Variants in GPM6A observed in about 807,000 individuals in gnomAD.
GPM6A encodes the protein neuronal membrane glycoprotein M6-a.
In GPM6A, 7 loss-of-function variants were observed where a neutral mutation model predicts 32.1. The ratio of observed to expected loss-of-function variants is 0.22; its 90% CI spans 0.12 to 0.41. The LOEUF (loss-of-function observed/expected upper bound fraction) is 0.41, where lower values mean the gene tolerates loss of function less well. Among genes scored for constraint, GPM6A ranks in the 10% least tolerant of loss-of-function variants. The pLI, the probability that GPM6A is intolerant of heterozygous loss-of-function variation, is 1.00. For synonymous variants in GPM6A, 130 were observed against 123.4 expected (o/e 1.05, Z -0.35); for missense variants, 235 against 347.2 (o/e 0.68, Z 2.57).
chr4:175,763,485 G>A (rs1732835900), intron 1 of GPM6A, among the ~76,000 whole-genome samples: 1 of 152,058 alleles, frequency 6.6e-6, no homozygotes, highest in Non-Finnish European at 1.5e-5. Flanking sequence ...TTTTAAATAA[G>A]CATAAACCCA....
chr4:175,773,641 A>T (rs1249428646), intron 1 of GPM6A, among the ~76,000 whole-genome samples: 1 of 152,178 alleles, frequency 6.6e-6, no homozygotes, highest in South Asian at 2.1e-4. Context: ...TGTATTCTTT[A>T]GTAAATAACA....
Position 175,906,798 on chromosome 4 carries a change from A to G in GPM6A, c.-22-94549T>C, listed in dbSNP as rs547274205. 4 of 152,252 alleles carry G rather than the reference A, an allele frequency of 2.6e-5. No individual in the cohort carries two copies. In the East Asian group the frequency reaches 5.8e-4, roughly 22 times the overall value. The allele number at this position is 152,252 out of a possible 1,614,324, so 9.4% of individuals were successfully genotyped here. On this transcript the variant is annotated intron_variant, in intron 1 of 7. Transcript: ENST00000280187. ...TGGATGGAATTCTACCCTGATGAGA[A>G]CCCAAATTAAGTTGGGAAATCTCAG... is the stretch of plus-strand genomic sequence containing the variant.
chr4:175,742,423 T>C (rs1731924514), intron 1 of GPM6A, among the ~76,000 whole-genome samples: 1 of 152,164 alleles, frequency 6.6e-6, no homozygotes, highest in African/African-American at 2.4e-5. Flanking sequence ...CAATAATACA[T>C]GGGCTTATCA....
At chr4:175,832,606 T>C (rs1441235296) in intron 1 of GPM6A, among the ~76,000 whole-genome samples, 1 of 152,170 alleles carries the variant, frequency 6.6e-6, no homozygotes, top group Admixed American at 6.5e-5. Context: ...GAAGGAAGCA[T>C]TAACTTGGGT....
chr4:175,656,900 A>G (rs1262020405), intron 3 of GPM6A, among the ~76,000 whole-genome samples: 1 of 152,174 alleles, frequency 6.6e-6, no homozygotes, highest in African/African-American at 2.4e-5. Context: ...TATGCCACAT[A>G]TTGAATGGAA....
intron 1 of GPM6A, among the ~76,000 whole-genome samples, chr4:175,864,552 T>A (rs114531221): frequency 6.9e-4 from 105 of 152,268 alleles, no homozygotes; most frequent in African/African-American, 2.4e-3. Context: ...TGGATACAAC[T>A]TTTTTAATAA....
chr4:175,747,289 A>G (rs1042746225), intron 1 of GPM6A, among the ~76,000 whole-genome samples: 3 of 151,458 alleles, frequency 2.0e-5, no homozygotes, highest in Non-Finnish European at 2.9e-5. Flanking sequence ...AAAAAAAAAA[A>G]AAGAAGGAAC....
chr4:175,733,796 C>T (rs1485069827), intron 1 of GPM6A, among the ~76,000 whole-genome samples: 4 of 152,102 alleles, frequency 2.6e-5, no homozygotes, highest in Non-Finnish European at 5.9e-5. Context: ...GAGTAGTGGG[C>T]CCACAGCATA....
chr4:175,976,483 A>C (rs898833754), intron 1 of GPM6A, among the ~76,000 whole-genome samples: 5 of 152,008 alleles, frequency 3.3e-5, no homozygotes, highest in African/African-American at 1.2e-4. Flanking sequence ...TGTCTTTCAA[A>C]CCCCTTTTTT....
intron 1 of GPM6A, among the ~76,000 whole-genome samples, chr4:175,958,354 C>A (rs1382947641): frequency 2.0e-5 from 3 of 152,170 alleles, no homozygotes; most frequent in African/African-American, 7.2e-5. Flanking sequence ...GTTTAGGAAA[C>A]CACTGTTGAT....
chr4:175,891,435 C>T (rs1426862253), intron 1 of GPM6A: 2 of 152,066 alleles, frequency 1.3e-5, no homozygotes, highest in African/African-American at 2.4e-5. Flanking sequence ...GAGCAAAGTC[C>T]CACTTCCTTG....
intron 1 of GPM6A, among the ~76,000 whole-genome samples, chr4:175,764,880 A>ATTATTC (rs1455597396): frequency 6.8e-6 from 1 of 147,742 alleles, no homozygotes; most frequent in Non-Finnish European, 1.5e-5. Flanking sequence ...TATTATTATT[A>ATTATTC]TTATTATTTT....
chr4:175,831,434 A>G (rs186363628), intron 1 of GPM6A, among the ~76,000 whole-genome samples: 4 of 152,354 alleles, frequency 2.6e-5, no homozygotes, highest in East Asian at 1.9e-4. Flanking sequence ...GACTATAGAC[A>G]GTAATTTATT....
rs1371996919 is a variant in GPM6A at position 175,875,978 on chromosome 4, TA to T, written c.-22-63730del. 4.6e-5 allele frequency among the ~76,000 whole-genome samples: 7 copies of T among 152,172 alleles called. No homozygotes were observed. In the East Asian group the frequency reaches 1.3e-3, roughly 29 times the overall value. ...AATCCAGAAACTGTAAAAAATAAAA[TA>T]AAATAAGAAAAGTAAAAGCAAGCAC... is the stretch of plus-strand genomic sequence containing the variant. On this transcript the variant is annotated intron_variant, in intron 1 of 7. Transcript: ENST00000280187.
intron 6 of GPM6A, among the ~76,000 whole-genome samples, chr4:175,636,853 T>A (rs1279578712): frequency 2.1e-5 from 3 of 144,132 alleles, no homozygotes; most frequent in Non-Finnish European, 4.5e-5. Context: ...TATATTTTTA[T>A]ATTATATATA....
chr4:175,654,854 T>A (rs1411884387), intron 3 of GPM6A, among the ~76,000 whole-genome samples: 2 of 152,132 alleles, frequency 1.3e-5, no homozygotes, highest in African/African-American at 2.4e-5. Flanking sequence ...TTTGGAGGAC[T>A]AAAAGCAACT....
At chr4:175,953,018 A>T (rs1739866322) in intron 1 of GPM6A, among the ~76,000 whole-genome samples, 1 of 132,710 alleles carries the variant, frequency 7.5e-6, no homozygotes, top group Admixed American at 8.7e-5. Context: ...CGACAGAACA[A>T]GACCCTGTTT....
intron 2 of GPM6A, among the ~76,000 whole-genome samples, chr4:175,700,027 T>G (rs1328770659): frequency 1.3e-5 from 2 of 151,846 alleles, no homozygotes; most frequent in South Asian, 4.2e-4. Flanking sequence ...CATGCCCAGG[T>G]AATTTTTGCA....
At chr4:175,887,129 A>G (rs780835412) in intron 1 of GPM6A, among the ~76,000 whole-genome samples, 2 of 152,044 alleles carry the variant, frequency 1.3e-5, no homozygotes, top group Non-Finnish European at 2.9e-5. Context: ...AAGTAAATAC[A>G]TGGTTTATCA....
Sources: allele counts gnomAD v4.1 joint callset (sites outside exome capture counted in the v4.1 genomes callset), GRCh38; gene constraint gnomAD v4.1.1; transcripts MANE v1.5; gene names NCBI Gene and HGNC (gene_info 2026-07-23, HGNC 2026-07-21).